The following VPS13B variants were observed in gnomAD, a reference collection of about 807,000 sequenced individuals.
The protein encoded by VPS13B is vacuolar protein sorting 13 homolog B.
VPS13B carries 285 observed loss-of-function variants against 426.4 expected under a neutral mutation model. That is an observed-to-expected ratio of 0.67 (90% CI 0.61 to 0.74). VPS13B has a LOEUF of 0.74. Among genes scored for constraint, VPS13B ranks in the 30% least tolerant of loss-of-function variants. VPS13B has a pLI of 0.00. For missense variants in VPS13B, 4,537 were observed against 4,782.6 expected, an observed-to-expected ratio of 0.95 and a Z score of 1.51; for synonymous variants, 1,676 against 1,676.4, an observed-to-expected ratio of 1.00 and a Z score of 0.01.
Position 99,819,907 on chromosome 8 carries a change from G to A in VPS13B, c.8793-14G>A, listed in dbSNP as rs1563490336. 6.2e-7 allele frequency: 1 copy of A among 1,613,646 alleles called. No individual in the cohort carries two copies. Reference sequence around the variant, plus strand: ...ATATTTCATTGAGTCTCTTGGATGTGGTTTTTGGAACAGGAATGAACAGCT... The same window carrying A: ...ATATTTCATTGAGTCTCTTGGATGTAGTTTTTGGAACAGGAATGAACAGCT... On this transcript the variant is annotated splice_polypyrimidine_tract_variant and intron_variant, in intron 48 of 61. Transcript: ENST00000357162.
chr8:99,305,574 G>GT (rs1369079108), intron 19 of VPS13B, among the ~76,000 whole-genome samples: 4 of 152,028 alleles, frequency 2.6e-5, no homozygotes, highest in African/African-American at 4.8e-5. Flanking sequence ...ATGATCATTA[G>GT]TTTTTTATCA....
intron 23 of VPS13B, among the ~76,000 whole-genome samples, chr8:99,458,380 G>A (rs754208512): frequency 7.3e-6 from 1 of 136,436 alleles, no homozygotes; most frequent in Non-Finnish European, 1.5e-5. Context: ...ATAAACATAC[G>A]TGTGGCCTGT....
chr8:99,686,281 A>G (rs1055632466), intron 35 of VPS13B, among the ~76,000 whole-genome samples: 4 of 152,292 alleles, frequency 2.6e-5, no homozygotes, highest in African/African-American at 4.8e-5. Flanking sequence ...CGTGGCCACC[A>G]CAATGCTGGT....
At position 99,663,021 on chromosome 8, in the gene VPS13B, C is replaced by T. The variant is rs186735275; in HGVS notation, c.6046+1530C>T. On this transcript the variant is annotated intron_variant, in intron 35 of 61. Transcript: ENST00000357162. ...GCAGTGAGATGAGATCACGCCACTGCGCTCCAGCTTGGGCAACAGAGCAAG... is the reference window on the plus strand; with the variant it reads ...GCAGTGAGATGAGATCACGCCACTGTGCTCCAGCTTGGGCAACAGAGCAAG... 6.3e-3 allele frequency among the ~76,000 whole-genome samples: 963 copies of T among 152,132 alleles called. 8 individuals are homozygous for T. Among genetic ancestry groups the T allele is most frequent in the African/African-American group, 0.021 (892 of 41,500 alleles).
At chr8:99,288,908 C>G (rs1225623621) in intron 19 of VPS13B, among the ~76,000 whole-genome samples, 2 of 151,804 alleles carry the variant, frequency 1.3e-5, no homozygotes, top group Non-Finnish European at 2.9e-5. Flanking sequence ...AGTTAAACTC[C>G]AAGTTCAGCT....
chr8:99,830,262 C>G (rs1814965773), intron 51 of VPS13B, among the ~76,000 whole-genome samples: 2 of 152,238 alleles, frequency 1.3e-5, no homozygotes, highest in Admixed American at 6.5e-5. Flanking sequence ...AAGCCCCTGA[C>G]TAGGGCTGCT....
intron 2 of VPS13B, among the ~76,000 whole-genome samples, chr8:99,033,341 C>G (rs538607271): frequency 1.0e-3 from 158 of 152,178 alleles, no homozygotes; most frequent in Non-Finnish European, 1.6e-3. Flanking sequence ...TTCCTTGTAC[C>G]TGAAAAATTA....
chr8:99,109,599 T>G (rs1026381829), intron 5 of VPS13B, among the ~76,000 whole-genome samples: 13 of 152,146 alleles, frequency 8.5e-5, no homozygotes, highest in Non-Finnish European at 1.9e-4. Flanking sequence ...CCCAGGCTGG[T>G]TTTGAACTCC....
At chr8:99,238,025 T>C (rs10091516) in intron 17 of VPS13B, among the ~76,000 whole-genome samples, 3,351 of 152,200 alleles carry the variant, frequency 0.022, 48 homozygotes, top group Non-Finnish European at 0.036. Flanking sequence ...CAGTCCCAGT[T>C]CCTTCCTTAG....
chr8:99,521,796 A>C (rs1588459818), intron 30 of VPS13B, among the ~76,000 whole-genome samples: 1 of 152,210 alleles, frequency 6.6e-6, no homozygotes, highest in South Asian at 2.1e-4. Context: ...TGCTAGGAAA[A>C]GATTCTAATT....
intron 28 of VPS13B, 81 bp downstream of exon 28, chr8:99,507,284 G>T: frequency 2.1e-6 from 3 of 1,415,776 alleles, no homozygotes; most frequent in Non-Finnish European, 3.0e-6. Flanking sequence ...TAGGACTAAT[G>T]GTTACAAGAA....
At chr8:99,102,484 C>G (rs1357883283) in intron 4 of VPS13B, among the ~76,000 whole-genome samples, 1 of 151,980 alleles carries the variant, frequency 6.6e-6, no homozygotes, top group Non-Finnish European at 1.5e-5. Flanking sequence ...ATTTTTATGG[C>G]TAAACTAGGA....
chr8:99,668,037 A>T (rs1830555842), intron 35 of VPS13B, among the ~76,000 whole-genome samples: 1 of 152,180 alleles, frequency 6.6e-6, no homozygotes, highest in African/African-American at 2.4e-5. Context: ...TTAGGTAATG[A>T]CATTGTGTTA....
intron 19 of VPS13B, among the ~76,000 whole-genome samples, chr8:99,336,459 G>A (rs1563674516): frequency 6.6e-6 from 1 of 152,098 alleles, no homozygotes; most frequent in Non-Finnish European, 1.5e-5. Flanking sequence ...CATGGGCAAG[G>A]ACTTCATGTC....
Position 99,835,724 on chromosome 8 carries a change from AGTCAGGGAACACAG to A in VPS13B, c.9934_9942+5del, listed in dbSNP as rs1554575693. The A allele has an allele frequency of 6.2e-7, 1 of 1,614,174 alleles. No homozygotes were observed. The highest frequency in any genetic ancestry group is 8.5e-7 in the Non-Finnish European group (1 of 1,180,020). The stretch of plus-strand genomic sequence containing the variant: ...GTGGAGTGATGCCATTGACATCAAC[AGTCAGGGAACACAG>A]GTCAGTGAGCCATGTGTTCCTGCCA... On this transcript the variant is annotated frameshift_variant and splice_region_variant, in exon 54 of 62. Transcript: ENST00000357162. LOFTEE classifies it high-confidence loss of function.
Position 99,853,444 on chromosome 8 carries a change from C to T in VPS13B, c.10062-7C>T, listed in dbSNP as rs1588785807. The T allele has an allele frequency of 2.5e-5, 40 of 1,613,842 alleles. No homozygotes were observed. The highest frequency in any genetic ancestry group is 3.2e-5 in the Non-Finnish European group (38 of 1,179,968). ...GGGACTAATGTTCTTGTCCCTTTCTCCTCTAGAGCGCCAGAGAAGATTGTT... is the reference window on the plus strand; with the variant it reads ...GGGACTAATGTTCTTGTCCCTTTCTTCTCTAGAGCGCCAGAGAAGATTGTT... On this transcript the variant is annotated splice_polypyrimidine_tract_variant and splice_region_variant and intron_variant, in intron 55 of 61. Transcript: ENST00000357162.
intron 33 of VPS13B, among the ~76,000 whole-genome samples, chr8:99,614,520 C>T (rs1189698178): frequency 6.6e-6 from 1 of 151,982 alleles, no homozygotes; most frequent in East Asian, 1.9e-4. Flanking sequence ...TCAAGTGATC[C>T]GCCCACCTCG....
intron 44 of VPS13B, among the ~76,000 whole-genome samples, chr8:99,815,799 A>G (rs1813999721): frequency 6.6e-6 from 1 of 152,172 alleles, no homozygotes; most frequent in South Asian, 2.1e-4. Context: ...TAAATTTTGC[A>G]TTATATTTTC....
chr8:99,199,164 A>C (rs1814137835), intron 17 of VPS13B, among the ~76,000 whole-genome samples: 1 of 152,252 alleles, frequency 6.6e-6, no homozygotes, highest in East Asian at 1.9e-4. Context: ...TGTGTGAAAG[A>C]AGAACCATTA....
Sources: allele counts gnomAD v4.1 joint callset (sites outside exome capture counted in the v4.1 genomes callset), GRCh38; gene constraint gnomAD v4.1.1; transcripts MANE v1.5; gene names NCBI Gene and HGNC (gene_info 2026-07-23, HGNC 2026-07-21).